Variants in GFRAL observed in about 807,000 individuals in gnomAD.
GFRAL encodes the protein GDNF family receptor alpha like, also known as GDNF family receptor alpha-like.
A neutral mutation model predicts 45.4 loss-of-function variants in GFRAL; 36 were observed. The observed-to-expected ratio is 0.79, with a 90% CI of 0.61 to 1.05. GFRAL has a LOEUF of 1.05. GFRAL is among the 50% of genes least tolerant of loss of function. GFRAL has a pLI of 0.00. For synonymous variants in GFRAL, 166 were observed against 154.1 expected (o/e 1.08, Z -0.57); for missense variants, 507 against 467.5 (o/e 1.08, Z -0.78).
chr6:55,340,484 A>G (rs1369082413), intron 3 of GFRAL, among the ~76,000 whole-genome samples: 1 of 152,200 alleles, frequency 6.6e-6, no homozygotes, highest in African/African-American at 2.4e-5. Context: ...TTATGTGTAA[A>G]CCCTGGAGAA....
chr6:55,375,717 C>T (rs1438928717), intron 6 of GFRAL, among the ~76,000 whole-genome samples: 1 of 152,044 alleles, frequency 6.6e-6, no homozygotes, highest in African/African-American at 2.4e-5. Context: ...ATCTTATATC[C>T]TGAGACTTTG....
chr6:55,364,687 A>C (rs1768333517), intron 6 of GFRAL, among the ~76,000 whole-genome samples: 1 of 151,482 alleles, frequency 6.6e-6, no homozygotes, highest in African/African-American at 2.4e-5. Context: ...ACCATTTAAT[A>C]AATAGGGAAT....
intron 6 of GFRAL, among the ~76,000 whole-genome samples, chr6:55,360,451 C>T (rs1407720761): frequency 6.6e-6 from 1 of 151,882 alleles, no homozygotes; most frequent in African/African-American, 2.4e-5. Flanking sequence ...CATATTTACA[C>T]ATTTATATTT....
intron 3 of GFRAL, among the ~76,000 whole-genome samples, chr6:55,341,085 C>T (rs1767958560): frequency 6.6e-6 from 1 of 152,206 alleles, no homozygotes; most frequent in East Asian, 1.9e-4. Context: ...TCTGTAGACT[C>T]CACCTCTGTG....
At chr6:55,393,046 T>C (rs1401554190) in intron 6 of GFRAL, among the ~76,000 whole-genome samples, 2 of 152,198 alleles carry the variant, frequency 1.3e-5, no homozygotes, top group Non-Finnish European at 2.9e-5. Flanking sequence ...CTTACATTTA[T>C]CAACACACAA....
At chr6:55,363,484 T>G (rs901499396) in intron 6 of GFRAL, among the ~76,000 whole-genome samples, 1 of 151,432 alleles carries the variant, frequency 6.6e-6, no homozygotes, top group African/African-American at 2.4e-5. Context: ...ATGTGCACAT[T>G]GTGCAGGTTA....
chr6:55,397,962 G>A (rs1768848498), intron 6 of GFRAL, among the ~76,000 whole-genome samples: 2 of 152,080 alleles, frequency 1.3e-5, no homozygotes, highest in Non-Finnish European at 2.9e-5. Context: ...GTTGCCTAAA[G>A]TATTTAGTAC....
intron 6 of GFRAL, among the ~76,000 whole-genome samples, chr6:55,369,445 A>C (rs1385923022): frequency 6.6e-6 from 1 of 152,158 alleles, no homozygotes; most frequent in Non-Finnish European, 1.5e-5. Context: ...AGCTGTTCCT[A>C]TTCGGCCATC....
At chr6:55,347,589 G>A (rs959506675) in intron 3 of GFRAL, among the ~76,000 whole-genome samples, 1 of 152,110 alleles carries the variant, frequency 6.6e-6, no homozygotes, top group Non-Finnish European at 1.5e-5. Flanking sequence ...ATTCAAAGAA[G>A]GAGAAATGTT....
chr6:55,396,515 T>C (rs1768826736), intron 6 of GFRAL, among the ~76,000 whole-genome samples: 2 of 152,156 alleles, frequency 1.3e-5, no homozygotes, highest in African/African-American at 4.8e-5. Context: ...TCATCTAATG[T>C]ATATTGTATA....
intron 6 of GFRAL, among the ~76,000 whole-genome samples, chr6:55,369,328 C>T (rs934196194): frequency 6.6e-6 from 1 of 152,324 alleles, no homozygotes; most frequent in Non-Finnish European, 1.5e-5. Flanking sequence ...ACCCACTGAC[C>T]TGCGCCTACT....
chr6:55,366,211 T>C (rs1180201514), intron 6 of GFRAL, among the ~76,000 whole-genome samples: 6 of 151,930 alleles, frequency 3.9e-5, no homozygotes, highest in Non-Finnish European at 8.8e-5. Context: ...CTTCTAGATT[T>C]TCTAGTTTAT....
chr6:55,372,697 C>T (rs1424026868), intron 6 of GFRAL, among the ~76,000 whole-genome samples: 2 of 152,174 alleles, frequency 1.3e-5, no homozygotes, highest in East Asian at 1.9e-4. Context: ...GGCCCCAACT[C>T]AGTCACACGG....
chr6:55,343,004 C>T (rs937240295), intron 3 of GFRAL, among the ~76,000 whole-genome samples: 8 of 152,254 alleles, frequency 5.3e-5, no homozygotes, highest in South Asian at 2.1e-4. Flanking sequence ...GCACCCAATA[C>T]AGGAGCACCC....
At chr6:55,360,658 A>G (rs926628212) in intron 6 of GFRAL, among the ~76,000 whole-genome samples, 3 of 152,002 alleles carry the variant, frequency 2.0e-5, no homozygotes, top group African/African-American at 7.2e-5. Flanking sequence ...ACAGAGAAGA[A>G]TTGAAGTGTT....
intron 5 of GFRAL, among the ~76,000 whole-genome samples, chr6:55,355,243 G>A (rs1768174224): frequency 1.3e-5 from 2 of 151,750 alleles, no homozygotes; most frequent in African/African-American, 4.8e-5. Context: ...GGGGCGAGGG[G>A]AGGGAACTTA....
intron 6 of GFRAL, among the ~76,000 whole-genome samples, chr6:55,392,043 C>G (rs1768760837): frequency 6.6e-6 from 1 of 152,304 alleles, no homozygotes; most frequent in South Asian, 2.1e-4. Flanking sequence ...TAGACTAATT[C>G]TTAAACTCTG....
At chr6:55,346,713 A>G (rs140904606) in intron 3 of GFRAL, among the ~76,000 whole-genome samples, 1,987 of 151,870 alleles carry the variant, frequency 0.013, 23 homozygotes, top group Non-Finnish European at 0.022. Context: ...AAAAAAGTTG[A>G]CCATATGTTG....
chr6:55,333,391 T>C lies in GFRAL; in HGVS notation c.158-395T>C, dbSNP rs903539146. ...AGAGCTACCTGCACATATCTTTCTA[T>C]AGTCTGAGAATGATATGAAAATAAA... On this transcript the variant is annotated intron_variant, in intron 2 of 8. Transcript: ENST00000340465. Among the ~76,000 whole-genome samples, 5 of 152,108 alleles carry C rather than the reference T, an allele frequency of 3.3e-5. No homozygotes were observed. The East Asian group carries it at 5.8e-4, about 18-fold the overall frequency.
Sources: gnomAD v4.1 joint callset for allele counts (sites outside exome capture counted in the v4.1 genomes callset) on GRCh38, gnomAD v4.1.1 for gene constraint, MANE v1.5 for transcripts, NCBI Gene and HGNC (gene_info 2026-07-23, HGNC 2026-07-21) for gene names.